DNAH17: variants seen among roughly 807,000 people sequenced by gnomAD.
DNAH17 encodes axonemal beta dynein heavy chain 17.
DNAH17 carries 376 observed loss-of-function variants against 485.6 expected under a neutral mutation model. The observed-to-expected ratio is 0.77, with a 90% CI of 0.71 to 0.84. The LOEUF (loss-of-function observed/expected upper bound fraction) is 0.84, where lower values mean the gene tolerates loss of function less well. Ranked by LOEUF, DNAH17 falls within the 40% of genes least tolerant of loss-of-function variation. The probability of loss-of-function intolerance (pLI) is 0.00; values close to 1 mark genes in which losing one functional copy is unlikely to be tolerated. For synonymous variants in DNAH17, 3,031 were observed against 2,405.9 expected (o/e 1.26, Z -7.60); for missense variants, 6,370 against 5,839.3 (o/e 1.09, Z -2.96).
rs752226291 is a variant in DNAH17, at chr17:78,495,021, G to A, written c.5980C>T (p.Arg1994Cys). ...MLMAEGFLEA[R>C]LLARKFITLY... ...GTGATGAACTTCCTGGCCAGAAGGC[G>A]GGCTTCCAGAAAGCCCTCGGCCATG... Residue 1994 changes from arginine (R) to cysteine (C), a missense_variant, in exon 39 of 81, where the codon CGC becomes TGC. Coordinates refer to ENST00000389840, the MANE Select transcript of DNAH17 (RefSeq NM_173628.4). 3.3e-5 allele frequency: 54 copies of A among 1,612,468 alleles called. No homozygotes were observed. The highest frequency in any genetic ancestry group is 3.8e-5 in the Non-Finnish European group (45 of 1,179,332).
In DNAH17 at chr17:78,505,427, T is replaced by C; in HGVS notation, c.4822A>G (p.Lys1608Glu). 1 of 1,613,980 alleles carries C rather than the reference T, an allele frequency of 6.2e-7. No homozygotes were observed. Among genetic ancestry groups the C allele is most frequent in the South Asian group, 1.1e-5 (1 of 91,076 alleles). Residue 1608 changes from lysine (K) to glutamate (E), a missense_variant, in exon 31 of 81, where the codon AAA becomes GAA. Transcript: ENST00000389840. The part of the protein sequence containing the change: ...DPVEVSRHLS[K>E]LFDSLCKLKF... Reference sequence around the variant, plus strand: ...AGTTTACACAGGCTATCGAAGAGTTTGGACAGGTGGCGGCTCACCTGGGAG... The same window carrying C: ...AGTTTACACAGGCTATCGAAGAGTTCGGACAGGTGGCGGCTCACCTGGGAG...
intron 16 of DNAH17, among the ~76,000 whole-genome samples, chr17:78,544,459 G>A (rs770351423): frequency 3.3e-5 from 5 of 152,160 alleles, no homozygotes; most frequent in Non-Finnish European, 7.4e-5. Context: ...AGGGTAGAGA[G>A]TAGGGTCAGG....
At chr17:78,560,398 C>T (rs1269798256) in intron 13 of DNAH17, among the ~76,000 whole-genome samples, 1 of 152,148 alleles carries the variant, frequency 6.6e-6, no homozygotes, top group Non-Finnish European at 1.5e-5. Flanking sequence ...ACCCACATCC[C>T]AGAGCCCACA....
chr17:78,527,145 G>T, intron 22 of DNAH17, 149 bp from the exon 23 acceptor site: 1 of 624,294 alleles, frequency 1.6e-6, no homozygotes, highest in South Asian at 2.1e-5. Context: ...CACTTTGGGA[G>T]GCTGAGATGG....
At chr17:78,531,695 CTGTT>C (rs1178517368) in intron 20 of DNAH17, among the ~76,000 whole-genome samples, 2 of 152,204 alleles carry the variant, frequency 1.3e-5, no homozygotes, top group African/African-American at 4.8e-5. Flanking sequence ...TTCTTGGTTT[CTGTT>C]TGTGTGGAAT....
intron 1 of DNAH17, among the ~76,000 whole-genome samples, chr17:78,575,664 G>A (rs1347175133): frequency 6.6e-6 from 1 of 152,068 alleles, no homozygotes; most frequent in Non-Finnish European, 1.5e-5. Context: ...AAAGAATCGA[G>A]CTGCAAATTC....
rs2086776169 is a variant in DNAH17 at position 78,433,959 on chromosome 17, G to GGGAAGGAGGGAGGGAA, written c.12225+54_12225+69dup. 5.7e-6 allele frequency: 7 copies of GGGAAGGAGGGAGGGAA among 1,219,980 alleles called. No homozygotes were observed. In the African/African-American group the frequency reaches 1.4e-4, roughly 24 times the overall value. 75.6% of individuals were successfully genotyped at this position (1,219,980 alleles called of 1,614,324 possible). A position where few individuals can be genotyped will look rare whatever the true frequency, so the allele number is the denominator to read the frequency against. ...AGGGAAGGAGGGAGGGAAGGAGGGAGGGAAGGAGGGAGGGAAGGAGGGAAA... is the reference window on the plus strand; with the variant it reads ...AGGGAAGGAGGGAGGGAAGGAGGGAGGGAAGGAGGGAGGGAAGGAAGGAGGGAGGGAAGGAGGGAAA... On this transcript the variant is annotated intron_variant, in intron 75 of 80. Coordinates refer to ENST00000389840, the MANE Select transcript of DNAH17 (RefSeq NM_173628.4).
chr17:78,544,524 C>G (rs916218663), intron 16 of DNAH17, among the ~76,000 whole-genome samples: 2 of 151,724 alleles, frequency 1.3e-5, no homozygotes, highest in Non-Finnish European at 2.9e-5. Context: ...GCCACTTGGC[C>G]GGGCGCGGTG....
intron 17 of DNAH17, among the ~76,000 whole-genome samples, chr17:78,542,904 C>T (rs1377349071): frequency 1.3e-5 from 2 of 152,222 alleles, no homozygotes; most frequent in South Asian, 2.1e-4. Flanking sequence ...GATAAACACA[C>T]GGTGCCCACC....
chr17:78,447,710 A>G (rs772235248), intron 69 of DNAH17, among the ~76,000 whole-genome samples: 1 of 152,202 alleles, frequency 6.6e-6, no homozygotes, highest in African/African-American at 2.4e-5. Context: ...TAGTGAACCT[A>G]TGATTCAGAG....
At chr17:78,544,305 T>TTC (rs2091690251) in intron 16 of DNAH17, among the ~76,000 whole-genome samples, 1 of 152,328 alleles carries the variant, frequency 6.6e-6, no homozygotes, top group South Asian at 2.1e-4. Flanking sequence ...GAGCATCTAA[T>TTC]TCTCTCTTTA....
chr17:78,475,367 G>C lies in DNAH17; in HGVS notation c.8422C>G (p.Gln2808Glu). 6.2e-7 allele frequency: 1 copy of C among 1,613,996 alleles called. No individual in the cohort carries two copies. The highest frequency in any genetic ancestry group is 8.5e-7 in the Non-Finnish European group (1 of 1,179,896). Residue 2808 changes from glutamine (Q) to glutamate (E), a missense_variant, in exon 54 of 81, where the codon CAG becomes GAG. By Grantham distance (29) the Gln-to-Glu change is conservative. Transcript: ENST00000389840. ...LLVGVGGSGKQSLSRLAAYIS... is the reference protein window; with the variant it reads ...LLVGVGGSGKESLSRLAAYIS... ...TACGCTGCCAGGCGGGAGAGGCTCT[G>C]TTTGCCACTGCCGCCCACCCCCACC...
chr17:78,544,316 G>T (rs1371233838), intron 16 of DNAH17, among the ~76,000 whole-genome samples: 3 of 152,212 alleles, frequency 2.0e-5, no homozygotes, highest in African/African-American at 7.2e-5. Flanking sequence ...TCTCTCTTTA[G>T]GGGGACGGAA....
Position 78,574,814 on chromosome 17 carries a change from T to C in DNAH17, c.244A>G (p.Thr82Ala), listed in dbSNP as rs1317950743. 3.1e-6 allele frequency: 5 copies of C among 1,613,982 alleles called. No individual in the cohort carries two copies. The African/African-American group carries it at 5.3e-5, about 17-fold the overall frequency. The change falls in exon 2 of 81, where the codon ACA becomes GCA. Residue 82 changes from threonine (T) to alanine (A), a missense_variant. Physicochemically the swap from Thr to Ala is moderately conservative, Grantham distance 58 (BLOSUM62 0). Transcript: ENST00000389840. ...TCCTTGTTGATGTTCTCGGACTTTG[T>C]CTTGATGAAGTAAACCCCTTTGGAC... ...LKSKGVYFIK[T>A]KSENINKDNY...
At chr17:78,491,699 C>T in intron 42 of DNAH17, 129 bp from the exon 43 acceptor site, 1 of 1,409,848 alleles carries the variant, frequency 7.1e-7, no homozygotes, top group Non-Finnish European at 9.4e-7. Flanking sequence ...AGCAGAGGCC[C>T]TCGGGCATGA....
chr17:78,429,244 G>A lies in DNAH17; in HGVS notation c.12282C>T (p.Ile4094=). The A allele has an allele frequency of 1.2e-6, 2 of 1,613,984 alleles. No individual in the cohort carries two copies. The highest frequency in any genetic ancestry group is 1.7e-6 in the Non-Finnish European group (2 of 1,179,908). Residue 4094 remains isoleucine (I), a synonymous_variant, in exon 76 of 81, where the codon ATC becomes ATT. Transcript: ENST00000389840. ...ACAGCCGACGGTCCCAGTCATCTGT[G>A]ATGTGGCCGCCATACATGATTTCAC... is the stretch of plus-strand genomic sequence containing the variant. ...LFGEIMYGGH[I]TDDWDRRLCR...
At chr17:78,537,117 G>A (rs973378952) in intron 19 of DNAH17, among the ~76,000 whole-genome samples, 182 bp downstream of exon 19, 1 of 151,318 alleles carries the variant, frequency 6.6e-6, no homozygotes, top group African/African-American at 2.4e-5. Context: ...GGCGGAGGTT[G>A]CAGTGAGCCA....
At position 78,574,911 on chromosome 17, in the gene DNAH17, G is replaced by A; in HGVS notation, c.147C>T (p.Val49=). Residue 49 remains valine, a synonymous_variant, in exon 2 of 81, where the codon GTC becomes GTT. Coordinates refer to ENST00000389840, the MANE Select transcript of DNAH17 (RefSeq NM_173628.4). ...LFTEFFEKPD[V]QVLVLTLNAA... ...CATTGAGCGTCAGCACCAGCACCTG[G>A]ACGTCGGGCTTTTCAAAGAACTCTG... The A allele has an allele frequency of 6.2e-7, 1 of 1,614,016 alleles. No homozygotes were observed. The highest frequency in any genetic ancestry group is 8.5e-7 in the Non-Finnish European group (1 of 1,179,876).
chr17:78,429,017 T>C lies in DNAH17; in HGVS notation c.12405+104A>G. The C allele has an allele frequency of 2.3e-6, 3 of 1,301,404 alleles. No individual in the cohort carries two copies. In the South Asian group the frequency reaches 4.2e-5, roughly 18 times the overall value. The allele number at this position is 1,301,404 out of a possible 1,614,324, so 80.6% of individuals were successfully genotyped here. Reference sequence around the variant, plus strand: ...CTCATCCTCTCTTATTTTGGCTGCCTGGGTTCTTGCTCAATTATTGACACT... The same window carrying C: ...CTCATCCTCTCTTATTTTGGCTGCCCGGGTTCTTGCTCAATTATTGACACT... On this transcript the variant is annotated intron_variant, in intron 76 of 80. Transcript: ENST00000389840.
Sources: allele counts gnomAD v4.1 joint callset (sites outside exome capture counted in the v4.1 genomes callset), GRCh38; gene constraint gnomAD v4.1.1; transcripts MANE v1.5; gene names NCBI Gene and HGNC (gene_info 2026-07-23, HGNC 2026-07-21).